Variants in CC2D2A observed in about 807,000 individuals in gnomAD.
CC2D2A encodes coiled-coil and C2 domain-containing protein 2A.
A neutral mutation model predicts 212.9 loss-of-function variants in CC2D2A; 155 were observed. The observed-to-expected ratio is 0.73, with a 90% CI of 0.64 to 0.83. CC2D2A has a LOEUF of 0.83. Among genes scored for constraint, CC2D2A ranks in the 40% least tolerant of loss-of-function variants. CC2D2A has a pLI of 0.00. For synonymous variants in CC2D2A, 667 were observed against 686.5 expected (o/e 0.97, Z 0.44); for missense variants, 1,856 against 1,956.2 (o/e 0.95, Z 0.97).
intron 4 of CC2D2A, 42 bp from the exon 5 acceptor site, chr4:15,502,387 C>CTTTTTTTTTTTT: frequency 7.9e-7 from 1 of 1,259,648 alleles, no homozygotes; most frequent in Non-Finnish European, 1.1e-6. Flanking sequence ...TTTTCTTTTT[C>CTTTTTTTTTTTT]TTTTTTTTTT....
At chr4:15,600,473 A>G (rs1308245061) in intron 36 of CC2D2A, among the ~76,000 whole-genome samples, 1 of 152,186 alleles carries the variant, frequency 6.6e-6, no homozygotes, top group Non-Finnish European at 1.5e-5. Flanking sequence ...CACTTACAGA[A>G]TTCACATCTG....
At chr4:15,589,235 G>T (rs1257472725) in intron 32 of CC2D2A, among the ~76,000 whole-genome samples, 1 of 151,938 alleles carries the variant, frequency 6.6e-6, no homozygotes, top group Non-Finnish European at 1.5e-5. Context: ...AGAAGAAAAC[G>T]CCAGTGACTG....
intron 28 of CC2D2A, among the ~76,000 whole-genome samples, chr4:15,572,487 AT>A (rs1338936857): frequency 1.3e-5 from 2 of 151,708 alleles, no homozygotes; most frequent in African/African-American, 4.9e-5. Flanking sequence ...GTGTACCCAC[AT>A]TTGGTAATGT....
chr4:15,548,227 C>T (rs1186338391), intron 17 of CC2D2A, among the ~76,000 whole-genome samples: 1 of 151,596 alleles, frequency 6.6e-6, no homozygotes, highest in East Asian at 1.9e-4. Flanking sequence ...CCCTCCATTT[C>T]CCTAGAGTCC....
At chr4:15,577,245 G>A (rs960124123) in intron 29 of CC2D2A, among the ~76,000 whole-genome samples, 7 of 152,066 alleles carry the variant, frequency 4.6e-5, no homozygotes, top group African/African-American at 1.4e-4. Flanking sequence ...ATCCTCCGGC[G>A]TCAGCCTCCC....
intron 30 of CC2D2A, among the ~76,000 whole-genome samples, chr4:15,582,499 A>G (rs1332792491): frequency 1.3e-5 from 2 of 152,166 alleles, no homozygotes; most frequent in East Asian, 1.9e-4. Context: ...AAATAAAATC[A>G]GAAATAAAAA....
At position 15,489,538 on chromosome 4, in the gene CC2D2A, G is replaced by A. The variant is rs920543819; in HGVS notation, c.247+8711G>A. ...ATTAGTTATGAGGAAAGCCAAGGCC[G>A]CAATTAATCTGTACTCAAAGCCCCA... is the stretch of plus-strand genomic sequence containing the variant. On this transcript the variant is annotated intron_variant, in intron 4 of 36. Coordinates refer to ENST00000424120, the MANE Select transcript of CC2D2A (RefSeq NM_001378615.1). Among the ~76,000 whole-genome samples, 27 of 152,202 alleles carry A rather than the reference G, an allele frequency of 1.8e-4. 1 individual carries two copies. Among genetic ancestry groups the A allele is most frequent in the South Asian group, 1.0e-3 (5 of 4,816 alleles).
At chr4:15,595,713 A>G (rs918119772) in intron 33 of CC2D2A, among the ~76,000 whole-genome samples, 10 of 152,236 alleles carry the variant, frequency 6.6e-5, no homozygotes, top group African/African-American at 2.4e-4. Context: ...CTGTGGATGC[A>G]GAGATGAATG....
intron 17 of CC2D2A, among the ~76,000 whole-genome samples, chr4:15,544,720 G>C (rs991505679): frequency 1.3e-5 from 2 of 152,158 alleles, no homozygotes; most frequent in African/African-American, 4.8e-5. Context: ...CAGCACACCA[G>C]TATTTTATTT....
chr4:15,493,866 A>G (rs1715456579), intron 4 of CC2D2A, among the ~76,000 whole-genome samples: 1 of 152,180 alleles, frequency 6.6e-6, no homozygotes, highest in Non-Finnish European at 1.5e-5. Context: ...CCAAAACTGG[A>G]GTTTGTAGAA....
rs1176241225 is a variant in CC2D2A, at chr4:15,510,199, A to C, written c.499A>C (p.Lys167Gln). 6.2e-7 allele frequency: 1 copy of C among 1,613,246 alleles called. No homozygotes were observed. The highest frequency in any genetic ancestry group is 1.1e-5 in the South Asian group (1 of 90,848). ...TGACTCCCAAAGTTACTCAAGAGTC[A>C]AGTTCCATGATTCTGCACGAAAAAT... ...EVDSQSYSRV[K>Q]FHDSARKIKP... The change falls in exon 7 of 37, where the codon AAG becomes CAG. Residue 167 changes from lysine (K) to glutamine (Q), a missense_variant. Transcript: ENST00000424120.
At chr4:15,531,948 C>G (rs533149797) in intron 13 of CC2D2A, among the ~76,000 whole-genome samples, 1 of 152,290 alleles carries the variant, frequency 6.6e-6, no homozygotes, top group Non-Finnish European at 1.5e-5. Context: ...AGGCCTCTTA[C>G]TTGGTATCGG....
chr4:15,531,010 G>T (rs1189308069), intron 13 of CC2D2A, among the ~76,000 whole-genome samples: 1 of 152,164 alleles, frequency 6.6e-6, no homozygotes, highest in Admixed American at 6.6e-5. Context: ...TCTCTGTAGG[G>T]TCTTTGCCCT....
intron 17 of CC2D2A, chr4:15,543,722 G>C (rs954039445): frequency 5.2e-5 from 8 of 152,506 alleles, no homozygotes; most frequent in African/African-American, 1.9e-4. Flanking sequence ...CTGCTCTGGG[G>C]CTTCTGCTGA....
At chr4:15,485,428 T>G (rs969932009) in intron 4 of CC2D2A, among the ~76,000 whole-genome samples, 1 of 152,260 alleles carries the variant, frequency 6.6e-6, no homozygotes, top group Non-Finnish European at 1.5e-5. Flanking sequence ...TGAATAGTGC[T>G]GCAGTAAAAA....
intron 4 of CC2D2A, among the ~76,000 whole-genome samples, chr4:15,487,243 A>G (rs957959704): frequency 6.6e-6 from 1 of 152,076 alleles, no homozygotes; most frequent in African/African-American, 2.4e-5. Flanking sequence ...GGGAGTATTA[A>G]GATCCTCAAC....
chr4:15,550,629 C>A, intron 17 of CC2D2A, 195 bp from the exon 18 acceptor site: 1 of 395,998 alleles, frequency 2.5e-6, no homozygotes, highest in East Asian at 3.6e-5. Context: ...TGGGTGTCAA[C>A]AACTTGACCA....
At chr4:15,506,093 T>C (rs1156416411) in intron 6 of CC2D2A, among the ~76,000 whole-genome samples, 1 of 152,230 alleles carries the variant, frequency 6.6e-6, no homozygotes, top group Admixed American at 6.5e-5. Context: ...TATGTGCACA[T>C]ATGATGATAG....
rs762713109 is a variant in CC2D2A, at chr4:15,567,456, C to A, written c.3262C>A (p.His1088Asn). 6.2e-7 allele frequency: 1 copy of A among 1,613,558 alleles called. No homozygotes were observed. Reference sequence around the variant, plus strand: ...TTCCCCAAGCACGTACAGCCCAACCCACAATGCTGACTACCCCCTCGGCCA... The same window carrying A: ...TTCCCCAAGCACGTACAGCCCAACCAACAATGCTGACTACCCCCTCGGCCA... Reference protein sequence around the residue: ...AASPSTYSPTHNADYPLGQVL... With the variant: ...AASPSTYSPTNNADYPLGQVL... Residue 1088 changes from histidine to asparagine, a missense_variant, in exon 25 of 37, where the codon CAC (histidine) becomes AAC (asparagine). Transcript: ENST00000424120.
Sources: gnomAD v4.1 joint callset for allele counts (sites outside exome capture counted in the v4.1 genomes callset) on GRCh38, gnomAD v4.1.1 for gene constraint, MANE v1.5 for transcripts, NCBI Gene and HGNC (gene_info 2026-07-23, HGNC 2026-07-21) for gene names.